TENM3: variants seen among roughly 807,000 people sequenced by gnomAD.
The protein encoded by TENM3 is teneurin-3.
In TENM3, 63 loss-of-function variants were observed where a neutral mutation model predicts 255.1. That is an observed-to-expected ratio of 0.25 (90% CI 0.20 to 0.30). The LOEUF (loss-of-function observed/expected upper bound fraction) is 0.30. Ranked by LOEUF, TENM3 falls within the 10% of genes least tolerant of loss-of-function variation. The pLI, the probability that TENM3 is intolerant of heterozygous loss-of-function variation, is 1.00. For missense variants in TENM3, 2,929 were observed against 3,461.1 expected, an observed-to-expected ratio of 0.85 and a Z score of 3.86; for synonymous variants, 1,306 against 1,322.3, an observed-to-expected ratio of 0.99 and a Z score of 0.27.
chr4:181,997,516 A>T, the TENM3 span, among the ~76,000 whole-genome samples: 1 of 152,134 alleles, frequency 6.6e-6, no homozygotes, highest in African/African-American at 2.4e-5. Context: ...TCTCTGTTAA[A>T]GATCTATTGC....
the TENM3 span, among the ~76,000 whole-genome samples, chr4:181,835,982 C>T: frequency 6.6e-6 from 1 of 152,070 alleles, no homozygotes; most frequent in Non-Finnish European, 1.5e-5. Context: ...GCCTGTCTCC[C>T]TATTCTGTAC....
chr4:181,551,854 G>A, the TENM3 span, among the ~76,000 whole-genome samples: 67 of 34,124 alleles, frequency 2.0e-3, no homozygotes, highest in African/African-American at 5.1e-3. Flanking sequence ...GTGTGTGTGT[G>A]TGTGTGTGTG....
chr4:181,649,691 A>G, the TENM3 span, among the ~76,000 whole-genome samples: 1 of 152,214 alleles, frequency 6.6e-6, no homozygotes, highest in East Asian at 1.9e-4. Context: ...TTAAACTAGC[A>G]CAAGTTTAGT....
intron 1 of TENM3, among the ~76,000 whole-genome samples, chr4:182,294,473 A>G (rs1243103208): frequency 6.6e-6 from 1 of 151,946 alleles, no homozygotes; most frequent in Non-Finnish European, 1.5e-5. Context: ...TTTGTGTTCC[A>G]GCCTGGAATT....
rs112811883 is a variant in TENM3, at chr4:182,648,690, C to G, written c.989-5081C>G. On this transcript the variant is annotated intron_variant, in intron 5 of 27. Transcript: ENST00000511685. ...TCCCAGATAGAATGTGAGCAGCACTCCAGAAACCTCTAGGGACTATGCCAG... is the reference window on the plus strand; with the variant it reads ...TCCCAGATAGAATGTGAGCAGCACTGCAGAAACCTCTAGGGACTATGCCAG... Among the ~76,000 whole-genome samples, 946 of 152,272 alleles carry G rather than the reference C, an allele frequency of 6.2e-3. 10 individuals carry two copies. Among genetic ancestry groups the G allele is most frequent in the African/African-American group, 0.022 (907 of 41,554 alleles).
chr4:182,507,300 C>T (rs1736937644), intron 3 of TENM3, among the ~76,000 whole-genome samples: 1 of 152,158 alleles, frequency 6.6e-6, no homozygotes, highest in Non-Finnish European at 1.5e-5. Flanking sequence ...AACATTAGGT[C>T]CCATAATCTC....
the TENM3 span, among the ~76,000 whole-genome samples, chr4:181,559,711 G>A: frequency 0.18 from 26,636 of 152,096 alleles, 2,893 homozygotes; most frequent in African/African-American, 0.28. Context: ...GCAATGTCAC[G>A]CCTGCATCAT....
At chr4:182,570,692 G>A (rs1744266632) in intron 3 of TENM3, among the ~76,000 whole-genome samples, 1 of 152,152 alleles carries the variant, frequency 6.6e-6, no homozygotes. Flanking sequence ...AAATTAGCCA[G>A]GCGTCATGGC....
At chr4:182,379,671 G>T (rs1767435921) in intron 3 of TENM3, among the ~76,000 whole-genome samples, 1 of 152,098 alleles carries the variant, frequency 6.6e-6, no homozygotes, top group Non-Finnish European at 1.5e-5. Context: ...AAGGGAGGCT[G>T]CATGAAGGAG....
intron 3 of TENM3, 27 bp from the exon 4 acceptor site, chr4:182,600,895 TTC>T (rs1747767484): frequency 2.9e-6 from 3 of 1,042,116 alleles, no homozygotes; most frequent in Non-Finnish European, 2.8e-6. Flanking sequence ...TGAGTTCTCT[TTC>T]TTTTTTTTTT....
chr4:182,405,413 G>A (rs555587165), intron 3 of TENM3, among the ~76,000 whole-genome samples: 13 of 152,264 alleles, frequency 8.5e-5, no homozygotes, highest in African/African-American at 2.4e-4. Context: ...TGCATTGAGC[G>A]GGAATAGATT....
chr4:182,161,480 G>A (rs561461692), intron 1 of TENM3, among the ~76,000 whole-genome samples: 2 of 144,874 alleles, frequency 1.4e-5, no homozygotes, highest in East Asian at 4.1e-4. Flanking sequence ...CCAACTACTC[G>A]GGATGCTGAG....
chr4:182,019,512 T>C, the TENM3 span, among the ~76,000 whole-genome samples: 18 of 152,236 alleles, frequency 1.2e-4, no homozygotes, highest in African/African-American at 4.1e-4. Context: ...CCCAGTGTTT[T>C]CCACTGCAAC....
the TENM3 span, among the ~76,000 whole-genome samples, chr4:181,706,921 C>T: frequency 8.2e-3 from 1,246 of 152,290 alleles, 12 homozygotes; most frequent in African/African-American, 0.028. Context: ...AGCCCAAATA[C>T]GTTAGCCCTA....
the TENM3 span, among the ~76,000 whole-genome samples, chr4:181,741,488 A>G: frequency 3.9e-5 from 6 of 152,224 alleles, no homozygotes; most frequent in Non-Finnish European, 1.5e-5. Flanking sequence ...AAGGAGCCAT[A>G]TGTTCATAAT....
chr4:182,735,106 G>A (rs1204312202), intron 16 of TENM3, among the ~76,000 whole-genome samples: 3 of 152,120 alleles, frequency 2.0e-5, no homozygotes, highest in East Asian at 1.9e-4. Flanking sequence ...ACAACCTACA[G>A]TCTTACAAAA....
chr4:182,373,475 G>A (rs115348274), intron 3 of TENM3, among the ~76,000 whole-genome samples: 1,563 of 152,296 alleles, frequency 0.01, 24 homozygotes, highest in Non-Finnish European at 0.016. Flanking sequence ...AGGACGGAAG[G>A]GGAGTTGAAG....
chr4:181,524,585 A>C, the TENM3 span, among the ~76,000 whole-genome samples: 1 of 152,208 alleles, frequency 6.6e-6, no homozygotes, highest in Non-Finnish European at 1.5e-5. Flanking sequence ...TTGACTGATT[A>C]ATTATCTATG....
intron 3 of TENM3, among the ~76,000 whole-genome samples, chr4:182,564,716 G>A (rs1743592195): frequency 6.6e-6 from 1 of 151,916 alleles, no homozygotes; most frequent in Non-Finnish European, 1.5e-5. Flanking sequence ...TTTGGTTCCA[G>A]TTTTATAATC....
Sources: gnomAD v4.1 joint callset for allele counts (sites outside exome capture counted in the v4.1 genomes callset) on GRCh38, gnomAD v4.1.1 for gene constraint, MANE v1.5 for transcripts, NCBI Gene and HGNC (gene_info 2026-07-23, HGNC 2026-07-21) for gene names.